The following MPP7 variants were observed in gnomAD, a reference collection of about 807,000 sequenced individuals.
The protein encoded by MPP7 is MAGUK p55 subfamily member 7.
A neutral mutation model predicts 76.5 loss-of-function variants in MPP7; 60 were observed. That is an observed-to-expected ratio of 0.78 (90% confidence interval 0.64 to 0.97). MPP7 has a LOEUF of 0.97. Among genes scored for constraint, MPP7 ranks in the 50% least tolerant of loss-of-function variants. The pLI, the probability that MPP7 is intolerant of heterozygous loss-of-function variation, is 0.00. For synonymous variants in MPP7, 237 were observed against 244.5 expected (o/e 0.97, Z 0.29); for missense variants, 641 against 694.0 (o/e 0.92, Z 0.86).
intron 2 of MPP7, among the ~76,000 whole-genome samples, chr10:28,321,804 T>A (rs1327909259): frequency 2.0e-5 from 3 of 152,166 alleles, no homozygotes; most frequent in Non-Finnish European, 4.4e-5. Flanking sequence ...CAGGCTGGTC[T>A]CGAACTCCTG....
At chr10:28,223,743 G>T (rs1186561928) in intron 2 of MPP7, among the ~76,000 whole-genome samples, 2 of 151,890 alleles carry the variant, frequency 1.3e-5, no homozygotes, top group African/African-American at 4.8e-5. Flanking sequence ...AGTCTCAAGT[G>T]TTATAAGGCT....
chr10:28,063,585 G>T (rs935601971), intron 13 of MPP7, among the ~76,000 whole-genome samples: 2 of 151,706 alleles, frequency 1.3e-5, no homozygotes, highest in Non-Finnish European at 2.9e-5. Flanking sequence ...GAAGGTGAGC[G>T]ACAGGCAGGC....
intron 2 of MPP7, among the ~76,000 whole-genome samples, chr10:28,323,178 A>C (rs942733997): frequency 2.6e-5 from 4 of 152,046 alleles, no homozygotes; most frequent in African/African-American, 9.7e-5. Context: ...CCAGCTACTC[A>C]GGAGGCTGAG....
At chr10:28,212,865 G>C (rs1285687157) in intron 2 of MPP7, among the ~76,000 whole-genome samples, 1 of 152,154 alleles carries the variant, frequency 6.6e-6, no homozygotes. Flanking sequence ...TGACAATGTA[G>C]AAGACTGAAT....
chr10:28,140,604 C>G (rs1835486532), intron 5 of MPP7, among the ~76,000 whole-genome samples: 1 of 151,948 alleles, frequency 6.6e-6, no homozygotes, highest in African/African-American at 2.4e-5. Context: ...GAGCAAGAAA[C>G]TAGAGAAAAA....
At chr10:28,136,905 CAAAG>C (rs946488822) in intron 5 of MPP7, among the ~76,000 whole-genome samples, 2 of 152,088 alleles carry the variant, frequency 1.3e-5, no homozygotes, top group African/African-American at 4.8e-5. Flanking sequence ...CTGGCATCTC[CAAAG>C]AAAGGGGGCA....
At chr10:28,102,497 T>A (rs1252913398) in intron 11 of MPP7, among the ~76,000 whole-genome samples, 1 of 152,198 alleles carries the variant, frequency 6.6e-6, no homozygotes, top group Admixed American at 6.5e-5. Context: ...TTATTAAATA[T>A]GGTTTTAAAG....
upstream of MPP7, among the ~76,000 whole-genome samples, chr10:28,304,408 G>A (rs1233353552): frequency 6.6e-6 from 1 of 152,210 alleles, no homozygotes; most frequent in African/African-American, 2.4e-5. Flanking sequence ...AAGCAAACCT[G>A]AGGAAGGAAA....
intron 5 of MPP7, among the ~76,000 whole-genome samples, chr10:28,144,167 G>A (rs1835627922): frequency 6.6e-6 from 1 of 152,110 alleles, no homozygotes; most frequent in South Asian, 2.1e-4. Flanking sequence ...AGTGCTCTAT[G>A]TGAATTATTC....
chr10:28,276,320 C>T (rs1412247530), intron 1 of MPP7, among the ~76,000 whole-genome samples: 2 of 152,200 alleles, frequency 1.3e-5, no homozygotes, highest in South Asian at 2.1e-4. Context: ...CATGAGCCAC[C>T]GTGCCTGGCC....
chr10:28,233,969 A>G (rs1213782765), intron 2 of MPP7, among the ~76,000 whole-genome samples: 1 of 151,936 alleles, frequency 6.6e-6, no homozygotes, highest in East Asian at 1.9e-4. Flanking sequence ...GAGAGGAAGG[A>G]GGAGAGAAAA....
At chr10:28,058,394 A>G in intron 15 of MPP7, 101 bp downstream of exon 15, 1 of 560,654 alleles carries the variant, frequency 1.8e-6, no homozygotes, top group East Asian at 3.1e-5. Context: ...ATATATGCCA[A>G]AAGTGAGTTG....
At position 28,302,209 on chromosome 10, in the gene MPP7, C is replaced by T. The variant is rs1383628898; in HGVS notation, c.-132+652G>A. Among the ~76,000 whole-genome samples the T allele has an allele frequency of 2.0e-5, 3 of 152,222 alleles. No homozygotes were observed. The East Asian group carries it at 5.8e-4, about 29-fold the overall frequency. On this transcript the variant is annotated intron_variant, in intron 1 of 16. Coordinates refer to ENST00000683449, the MANE Select transcript of MPP7 (RefSeq NM_001318170.2). ...ATTCCTCACGAACACTCCTCCCCCT[C>T]ATTCCTACCTCACCGCTCCCCACTT...
At chr10:28,162,256 G>A (rs1468199568) in intron 3 of MPP7, among the ~76,000 whole-genome samples, 3 of 152,024 alleles carry the variant, frequency 2.0e-5, no homozygotes, top group East Asian at 1.9e-4. Context: ...ACAGAACAAG[G>A]CCTTGCAGTT....
At chr10:28,334,629 G>T (rs543710293), upstream of MPP7, 49 of 152,302 alleles carry the variant, frequency 3.2e-4, no homozygotes, top group Middle Eastern at 3.4e-3. Flanking sequence ...TTAAAATGCT[G>T]TGTGGAATTT....
At chr10:28,183,600 C>A (rs1428712065) in intron 3 of MPP7, among the ~76,000 whole-genome samples, 1 of 152,076 alleles carries the variant, frequency 6.6e-6, no homozygotes, top group African/African-American at 2.4e-5. Context: ...GCAGCTTGGG[C>A]AACATAGCAA....
intron 1 of MPP7, among the ~76,000 whole-genome samples, chr10:28,269,974 G>A (rs1455417270): frequency 6.6e-6 from 1 of 152,170 alleles, no homozygotes; most frequent in Admixed American, 6.5e-5. Flanking sequence ...GTCTAGACCT[G>A]GTTTTACTGG....
chr10:28,265,612 ACT>A (rs1315550689), intron 1 of MPP7, among the ~76,000 whole-genome samples: 1 of 151,948 alleles, frequency 6.6e-6, no homozygotes, highest in Admixed American at 6.6e-5. Context: ...CCACTTTGAA[ACT>A]CTTTTTCCAA....
At chr10:28,159,812 G>A (rs1024739839) in intron 3 of MPP7, among the ~76,000 whole-genome samples, 14 of 152,046 alleles carry the variant, frequency 9.2e-5, no homozygotes, top group Admixed American at 4.6e-4. Context: ...TCTACATGGC[G>A]CTTACCCATG....
Sources: allele counts gnomAD v4.1 joint callset (sites outside exome capture counted in the v4.1 genomes callset), GRCh38; gene constraint gnomAD v4.1.1; transcripts MANE v1.5; gene names NCBI Gene and HGNC (gene_info 2026-07-23, HGNC 2026-07-21).